ZNF429: variants seen among roughly 807,000 people sequenced by gnomAD.
ZNF429 encodes zinc finger protein 429.
In ZNF429, 53 loss-of-function variants were observed where a neutral mutation model predicts 56.8. The ratio of observed to expected loss-of-function variants is 0.93; its 90% CI spans 0.75 to 1.17. The LOEUF (loss-of-function observed/expected upper bound fraction) is 1.17, where lower values mean the gene tolerates loss of function less well. Among genes scored for constraint, ZNF429 ranks in the 50% most tolerant of loss-of-function variants. ZNF429 has a pLI of 0.00. For synonymous variants in ZNF429, 278 were observed against 264.7 expected (o/e 1.05, Z -0.49); for missense variants, 849 against 788.4 (o/e 1.08, Z -0.92).
chr19:21,506,540 G>T, intron 1 of ZNF429, among the ~76,000 whole-genome samples: 1 of 151,686 alleles, frequency 6.6e-6, no homozygotes. Flanking sequence ...GTGGGATGTA[G>T]TTTGTGGTCC....
At chr19:21,510,210 C>T (rs1005085010) in intron 1 of ZNF429, among the ~76,000 whole-genome samples, 10 of 151,960 alleles carry the variant, frequency 6.6e-5, no homozygotes, top group African/African-American at 1.9e-4. Flanking sequence ...GGGAGGGGAA[C>T]GGCAAATGGA....
At chr19:21,524,637 T>C (rs1176515668) in intron 1 of ZNF429, among the ~76,000 whole-genome samples, 1 of 152,158 alleles carries the variant, frequency 6.6e-6, no homozygotes, top group Non-Finnish European at 1.5e-5. Context: ...GCCAGGGCAG[T>C]TCCATTTTCT....
rs759875819 is a variant in ZNF429 at position 21,505,748 on chromosome 19, C to T, written c.-24C>T. The T allele has an allele frequency of 8.1e-6, 13 of 1,609,784 alleles. No homozygotes were observed. Among genetic ancestry groups the T allele is most frequent in the African/African-American group, 4.0e-5 (3 of 74,776 alleles). On this transcript the variant is annotated 5_prime_UTR_variant, in exon 1 of 4. Coordinates refer to ENST00000358491, the MANE Select transcript of ZNF429 (RefSeq NM_001001415.4). Reference sequence around the variant, plus strand: ...TATTGGGAGATACACAGCTAAGACTCCAGGACCCCCTGGAAGCCTAGAAAT... The same window carrying T: ...TATTGGGAGATACACAGCTAAGACTTCAGGACCCCCTGGAAGCCTAGAAAT...
At chr19:21,508,627 T>C (rs974711801) in intron 1 of ZNF429, among the ~76,000 whole-genome samples, 8 of 152,206 alleles carry the variant, frequency 5.3e-5, no homozygotes, top group African/African-American at 1.9e-4. Context: ...CAGAAAAATC[T>C]ATCTTTTTTT....
chr19:21,523,698 G>A (rs2033066455), intron 1 of ZNF429, among the ~76,000 whole-genome samples: 1 of 152,204 alleles, frequency 6.6e-6, no homozygotes, highest in African/African-American at 2.4e-5. Flanking sequence ...GCTAATTGAA[G>A]TGTAGATTCC....
At chr19:21,524,838 T>C (rs944186654) in intron 1 of ZNF429, among the ~76,000 whole-genome samples, 2 of 152,208 alleles carry the variant, frequency 1.3e-5, no homozygotes, top group East Asian at 3.8e-4. Flanking sequence ...AATCATCTTG[T>C]GTTTGTTTCT....
chr19:21,520,802 G>A (rs952216524), intron 1 of ZNF429, among the ~76,000 whole-genome samples: 1 of 152,140 alleles, frequency 6.6e-6, no homozygotes, highest in Admixed American at 6.6e-5. Context: ...AGTGGAATCT[G>A]TAGTTGTACT....
At chr19:21,510,585 T>A (rs2032404889) in intron 1 of ZNF429, among the ~76,000 whole-genome samples, 1 of 151,126 alleles carries the variant, frequency 6.6e-6, no homozygotes, top group Non-Finnish European at 1.5e-5. Flanking sequence ...TTTTTTAATT[T>A]TTTAATTTTT....
At chr19:21,512,104 G>C (rs1599437945) in intron 1 of ZNF429, among the ~76,000 whole-genome samples, 2 of 152,280 alleles carry the variant, frequency 1.3e-5, no homozygotes, top group Admixed American at 6.5e-5. Context: ...GAGGGAGAGG[G>C]AGAGCGGTAA....
At chr19:21,531,107 AAAAAAAAAAAAAAAAAAAAAAACC>A in intron 3 of ZNF429, among the ~76,000 whole-genome samples, 1 of 73,566 alleles carries the variant, frequency 1.4e-5, no homozygotes, top group Non-Finnish European at 2.4e-5. Flanking sequence ...ACTCCATCTC[AAAAAAAAAAAAAAAAAAAAAAACC>A]AAAAAAAAAA....
chr19:21,520,573 A>G (rs567842105), intron 1 of ZNF429, among the ~76,000 whole-genome samples: 1 of 151,934 alleles, frequency 6.6e-6, no homozygotes, highest in African/African-American at 2.4e-5. Flanking sequence ...GAAAGGTTTT[A>G]TTTTATTTTT....
intron 1 of ZNF429, among the ~76,000 whole-genome samples, chr19:21,513,126 C>T (rs1287755658): frequency 2.6e-5 from 4 of 152,106 alleles, no homozygotes; most frequent in Admixed American, 2.0e-4. Flanking sequence ...CCGCCTCAGC[C>T]TCCAAAAGTG....
At chr19:21,510,353 G>A (rs1338350555) in intron 1 of ZNF429, among the ~76,000 whole-genome samples, 1 of 152,152 alleles carries the variant, frequency 6.6e-6, no homozygotes, top group Non-Finnish European at 1.5e-5. Context: ...CTCTGGGAAG[G>A]AGATAAATTT....
At chr19:21,532,289 C>T in intron 3 of ZNF429, among the ~76,000 whole-genome samples, 4 of 150,844 alleles carry the variant, frequency 2.7e-5, no homozygotes, top group African/African-American at 9.8e-5. Context: ...TTACATGAAA[C>T]TACAATAAAC....
chr19:21,514,212 TA>T (rs1248949389), intron 1 of ZNF429, among the ~76,000 whole-genome samples: 2 of 152,202 alleles, frequency 1.3e-5, no homozygotes, highest in African/African-American at 4.8e-5. Flanking sequence ...ATTTTTGGTC[TA>T]GGGGTACACA....
intron 1 of ZNF429, among the ~76,000 whole-genome samples, chr19:21,523,331 A>G (rs990884451): frequency 6.6e-6 from 1 of 152,226 alleles, no homozygotes. Flanking sequence ...GTCGGGGCGA[A>G]AGTTATTGCG....
intron 3 of ZNF429, among the ~76,000 whole-genome samples, chr19:21,531,558 C>T: frequency 1.4e-4 from 21 of 152,192 alleles, no homozygotes; most frequent in African/African-American, 4.8e-4. Context: ...AATCCCAGCA[C>T]TTCAGGAGGC....
chr19:21,512,921 G>C (rs368345670), intron 1 of ZNF429, among the ~76,000 whole-genome samples: 3 of 151,454 alleles, frequency 2.0e-5, no homozygotes, highest in African/African-American at 7.3e-5. Flanking sequence ...TTGCACGCTG[G>C]AGTGCAGTGG....
chr19:21,525,376 G>T (rs995296954), intron 1 of ZNF429, among the ~76,000 whole-genome samples: 9 of 152,056 alleles, frequency 5.9e-5, no homozygotes, highest in African/African-American at 2.2e-4. Context: ...TTTTTCTTAG[G>T]TAAGTCTAGG....
Sources: allele counts gnomAD v4.1 joint callset (sites outside exome capture counted in the v4.1 genomes callset), GRCh38; gene constraint gnomAD v4.1.1; transcripts MANE v1.5; gene names NCBI Gene and HGNC (gene_info 2026-07-23, HGNC 2026-07-21).